The following RLN2 variants were observed in gnomAD, a reference collection of about 807,000 sequenced individuals.
RLN2 encodes relaxin 2.
A neutral mutation model predicts 7.3 loss-of-function variants in RLN2; 10 were observed. The ratio of observed to expected loss-of-function variants is 1.36; its 90% CI spans 0.84 to 2.31. The LOEUF (loss-of-function observed/expected upper bound fraction) is 2.31, where lower values mean the gene tolerates loss of function less well. RLN2 is among the 30% of genes most tolerant of loss of function. The probability of loss-of-function intolerance (pLI) is 0.00; values close to 1 mark genes in which losing one functional copy is unlikely to be tolerated. For missense variants in RLN2, 298 were observed against 217.6 expected, an observed-to-expected ratio of 1.37 and a Z score of -2.32; for synonymous variants, 103 against 82.3, an observed-to-expected ratio of 1.25 and a Z score of -1.36.
At chr9:5,311,324 T>C in the RLN2 span, 1 of 378,888 alleles carries the variant, frequency 2.6e-6, no homozygotes, top group South Asian at 2.5e-5. Context: ...AGACATGTGA[T>C]GGGAGGAAGG....
At chr9:5,327,573 G>A in the RLN2 span, among the ~76,000 whole-genome samples, 8 of 152,014 alleles carry the variant, frequency 5.3e-5, no homozygotes, top group Admixed American at 3.3e-4. Flanking sequence ...CACGGCATTC[G>A]AGCTTTGGGA....
At chr9:5,326,755 T>A in the RLN2 span, among the ~76,000 whole-genome samples, 1 of 152,004 alleles carries the variant, frequency 6.6e-6, no homozygotes, top group Non-Finnish European at 1.5e-5. Flanking sequence ...GACAGGAAAA[T>A]TAAGTCCTTA....
At chr9:5,326,096 A>C in the RLN2 span, among the ~76,000 whole-genome samples, 2 of 152,110 alleles carry the variant, frequency 1.3e-5, no homozygotes, top group African/African-American at 4.8e-5. Flanking sequence ...ATTCAATCTA[A>C]AATTGCTAGA....
the RLN2 span, among the ~76,000 whole-genome samples, chr9:5,314,126 G>C: frequency 1.3e-5 from 2 of 152,028 alleles, no homozygotes; most frequent in Non-Finnish European, 2.9e-5. Context: ...TCCCCACAGA[G>C]GAGGAGAAAA....
rs138752174 is a variant in RLN2, at chr9:5,304,371, T to G, written c.210A>C (p.Ala70=). 2.5e-6 allele frequency: 4 copies of G among 1,590,516 alleles called. No individual in the cohort carries two copies. Among genetic ancestry groups the G allele is most frequent in the Non-Finnish European group, 3.4e-6 (4 of 1,168,672 alleles). Residue 70 remains alanine, a splice_region_variant and synonymous_variant, in exon 1 of 2, where the codon GCA becomes GCC. Transcript: ENST00000381627. ...EDAPQTPRPV[A]EIVPSFINKD... ...CCGGGAGGGGGCGGGAGCTCTCACC[T>G]GCCACTGGTCTAGGTGTCTGAGGAG...
chr9:5,304,897 C>A (rs1395912625), upstream of RLN2: 1 of 336,406 alleles, frequency 3.0e-6, no homozygotes, highest in Non-Finnish European at 5.5e-6. Flanking sequence ...TACCCTCAAA[C>A]AATTTAGTAT....
chr9:5,335,308 C>G, the RLN2 span: 1 of 1,604,438 alleles, frequency 6.2e-7, no homozygotes, highest in Non-Finnish European at 8.5e-7. Context: ...ATTTCTCAAA[C>G]AGTGCCACGT....
At chr9:5,334,010 G>T in the RLN2 span, among the ~76,000 whole-genome samples, 3 of 151,954 alleles carry the variant, frequency 2.0e-5, 1 homozygote, top group African/African-American at 7.2e-5. Flanking sequence ...AGTATTGAAG[G>T]AACACACTTC....
chr9:5,311,804 A>AT, the RLN2 span: 7,398 of 530,376 alleles, frequency 0.014, 3 homozygotes, highest in Middle Eastern at 0.02. Flanking sequence ...AAAATGCAGA[A>AT]TTTTTTTTTT....
chr9:5,304,597 C>A lies in RLN2; in HGVS notation c.-17G>T. On this transcript the variant is annotated 5_prime_UTR_variant, in exon 1 of 2. Transcript: ENST00000381627. The stretch of plus-strand genomic sequence containing the variant: ...GCGAGGCATCCTGGGCCTGGTCTCT[C>A]CTGGAGGTCGGGACGTTGCAGCCTT... The A allele has an allele frequency of 6.2e-7, 1 of 1,612,584 alleles. No homozygotes were observed.
At chr9:5,331,955 C>T in the RLN2 span, among the ~76,000 whole-genome samples, 288 of 151,916 alleles carry the variant, frequency 1.9e-3, 1 homozygote, top group Non-Finnish European at 3.2e-3. Flanking sequence ...TATGAAAATA[C>T]ATGCACAGTA....
the RLN2 span, chr9:5,334,840 G>C: frequency 2.6e-5 from 4 of 154,924 alleles, no homozygotes; most frequent in African/African-American, 9.6e-5. Context: ...AAAACCTTTT[G>C]AAATCTATTA....
chr9:5,299,960 C>T lies in RLN2; in HGVS notation c.*138G>A, dbSNP rs557931834. ...ACATCAACAAAGATGTTTAGATATT[C>T]TAAGAATTGATGGGACCTAATATCT... On this transcript the variant is annotated 3_prime_UTR_variant, in exon 2 of 2. Coordinates refer to ENST00000381627, the MANE Select transcript of RLN2 (RefSeq NM_134441.3). 9.9e-5 allele frequency: 50 copies of T among 504,698 alleles called. No homozygotes were observed. The highest frequency in any genetic ancestry group is 9.0e-4 in the African/African-American group (46 of 51,146). The allele number at this position is 504,698 out of a possible 1,614,324, so 31.3% of individuals were successfully genotyped here.
At chr9:5,335,840 T>G in the RLN2 span, among the ~76,000 whole-genome samples, 1,196 of 152,140 alleles carry the variant, frequency 7.9e-3, 34 homozygotes, top group African/African-American at 0.028. Context: ...CTCTCTTCAT[T>G]ATCCCCTCAG....
the RLN2 span, among the ~76,000 whole-genome samples, chr9:5,333,309 C>G: frequency 6.6e-6 from 1 of 151,888 alleles, no homozygotes; most frequent in Non-Finnish European, 1.5e-5. Flanking sequence ...GGAGAAGATT[C>G]AAATAAACAC....
the RLN2 span, among the ~76,000 whole-genome samples, chr9:5,321,663 G>C: frequency 6.6e-6 from 1 of 151,912 alleles, no homozygotes; most frequent in South Asian, 2.1e-4. Flanking sequence ...GGAAGAAAAA[G>C]GAGGGAAGAG....
chr9:5,302,084 A>C (rs552754563), intron 1 of RLN2, among the ~76,000 whole-genome samples: 2 of 152,272 alleles, frequency 1.3e-5, no homozygotes, highest in East Asian at 3.9e-4. Context: ...TTTTCTATAT[A>C]CTTAAAGCCA....
At chr9:5,306,930 A>G (rs1463624989), upstream of RLN2, among the ~76,000 whole-genome samples, 10 of 152,096 alleles carry the variant, frequency 6.6e-5, no homozygotes, top group African/African-American at 1.2e-4. Flanking sequence ...CAACCTAAGC[A>G]CAAGTGTGGA....
At chr9:5,318,013 T>C in the RLN2 span, among the ~76,000 whole-genome samples, 1 of 151,426 alleles carries the variant, frequency 6.6e-6, no homozygotes, top group Non-Finnish European at 1.5e-5. Context: ...TGTGCGTGTG[T>C]GTGTGTGTGT....
Sources: gnomAD v4.1 joint callset for allele counts (sites outside exome capture counted in the v4.1 genomes callset) on GRCh38, gnomAD v4.1.1 for gene constraint, MANE v1.5 for transcripts, NCBI Gene and HGNC (gene_info 2026-07-23, HGNC 2026-07-21) for gene names.